Variants in PCDHGA3 observed in about 807,000 individuals in gnomAD.
PCDHGA3 encodes the protein protocadherin gamma subfamily A, 3.
A neutral mutation model predicts 58.5 loss-of-function variants in PCDHGA3; 40 were observed. The observed-to-expected ratio is 0.68, with a 90% confidence interval of 0.53 to 0.89. PCDHGA3 has a LOEUF of 0.89. PCDHGA3 is among the 40% of genes least tolerant of loss of function. The pLI, the probability that PCDHGA3 is intolerant of heterozygous loss-of-function variation, is 0.00. For synonymous variants in PCDHGA3, 530 were observed against 525.7 expected (o/e 1.01, Z -0.11); for missense variants, 1,223 against 1,195.9 (o/e 1.02, Z -0.33).
intron 1 of PCDHGA3, among the ~76,000 whole-genome samples, chr5:141,464,431 A>G (rs1352563675): frequency 6.6e-6 from 1 of 151,648 alleles, no homozygotes; most frequent in Non-Finnish European, 1.5e-5. Flanking sequence ...ATATAGATAT[A>G]TATGTTTGTT....
chr5:141,418,058 C>A (rs2096216434), intron 1 of PCDHGA3: 1 of 1,613,872 alleles, frequency 6.2e-7, no homozygotes, highest in Non-Finnish European at 8.5e-7. Flanking sequence ...TCGCGAGCTG[C>A]GAGTGAGCGC....
At chr5:141,478,500 T>G in intron 1 of PCDHGA3, 1 of 1,612,740 alleles carries the variant, frequency 6.2e-7, no homozygotes, top group Non-Finnish European at 8.5e-7. Flanking sequence ...TGTGATCCGG[T>G]GTTCTATAGG....
At chr5:141,394,705 C>G (rs1245348426) in intron 1 of PCDHGA3, 9 of 1,613,256 alleles carry the variant, frequency 5.6e-6, no homozygotes, top group Non-Finnish European at 7.6e-6. Flanking sequence ...ACGGCGCGAG[C>G]CCTGCTGGAC....
In PCDHGA3 at chr5:141,419,882, T is replaced by A. The variant is rs145814583; in HGVS notation, c.2424+73425T>A. ...TAGCTTGCAAGAGGTACTGCCGGAT[T>A]TCAGCGACCATCCCACACCCTCTGA... On this transcript the variant is annotated intron_variant, in intron 1 of 3. Transcript: ENST00000253812. The A allele has an allele frequency of 4.9e-3, 7,980 of 1,614,092 alleles. 44 individuals carry two copies. Among genetic ancestry groups the A allele is most frequent in the Admixed American group, 9.4e-3 (567 of 60,032 alleles).
intron 1 of PCDHGA3, chr5:141,398,616 C>T (rs922729367): frequency 6.2e-7 from 1 of 1,614,020 alleles, no homozygotes; most frequent in Non-Finnish European, 8.5e-7. Flanking sequence ...CAGATATTGG[C>T]TTAAACTCTC....
chr5:141,394,435 C>T, intron 1 of PCDHGA3: 1 of 1,614,246 alleles, frequency 6.2e-7, no homozygotes, highest in Non-Finnish European at 8.5e-7. Flanking sequence ...GGGGACCCGC[C>T]CCTCAGCAGC....
At chr5:141,428,147 G>A (rs771536400) in intron 1 of PCDHGA3, 2 of 1,589,610 alleles carry the variant, frequency 1.3e-6, no homozygotes, top group Admixed American at 1.7e-5. Context: ...GGCTGCACAC[G>A]GGAACCTGCT....
rs750036800 is a variant in PCDHGA3, at chr5:141,419,495, G to A, written c.2424+73038G>A. On this transcript the variant is annotated intron_variant, in intron 1 of 3. Coordinates refer to ENST00000253812, the MANE Select transcript of PCDHGA3 (RefSeq NM_018916.4). ...GGGCTCGCCCGCGCTCAGCGCCAAT[G>A]TGAGCCTGCGCGTGTTGGTGGGCGA... The A allele has an allele frequency of 5.0e-6, 8 of 1,612,432 alleles. No individual in the cohort carries two copies. The Admixed American group carries it at 1.3e-4, about 27-fold the overall frequency.
intron 1 of PCDHGA3, chr5:141,410,481 G>C: frequency 6.2e-7 from 1 of 1,613,966 alleles, no homozygotes; most frequent in Non-Finnish European, 8.5e-7. Flanking sequence ...GCACATACGG[G>C]TACAAAAGAG....
At chr5:141,419,570 G>A (rs751047365) in intron 1 of PCDHGA3, 3 of 1,611,764 alleles carry the variant, frequency 1.9e-6, no homozygotes, top group Non-Finnish European at 2.5e-6. Flanking sequence ...GGGTCCCGAC[G>A]GCTCCGCGCT....
intron 1 of PCDHGA3, chr5:141,417,729 G>T (rs1175282861): frequency 1.6e-5 from 22 of 1,376,276 alleles, no homozygotes; most frequent in African/African-American, 8.8e-5. Context: ...CGCAGACCTT[G>T]CCCAGCACAC....
At chr5:141,397,926 A>T in intron 1 of PCDHGA3, 1 of 753,888 alleles carries the variant, frequency 1.3e-6, no homozygotes, top group Non-Finnish European at 2.1e-6. Context: ...CTCCTCGCGC[A>T]GCCGCAGCGC....
chr5:141,474,417 C>A (rs1321402346), intron 1 of PCDHGA3, among the ~76,000 whole-genome samples: 1 of 152,222 alleles, frequency 6.6e-6, no homozygotes, highest in African/African-American at 2.4e-5. Context: ...GATGCCTAGA[C>A]CATTGGTCCT....
At chr5:141,510,124 A>G (rs2099879540) in intron 3 of PCDHGA3, among the ~76,000 whole-genome samples, 1 of 152,156 alleles carries the variant, frequency 6.6e-6, no homozygotes, top group Admixed American at 6.5e-5. Context: ...AAATACAAAA[A>G]TTAGCTGGGC....
intron 1 of PCDHGA3, chr5:141,357,065 A>C: frequency 1.2e-6 from 2 of 1,613,964 alleles, no homozygotes; most frequent in Non-Finnish European, 8.5e-7. Context: ...GTGGGGCTGC[A>C]CACAGGCGAG....
chr5:141,416,585 A>T (rs2096043494), intron 1 of PCDHGA3: 2 of 152,244 alleles, frequency 1.3e-5, no homozygotes, highest in Non-Finnish European at 2.9e-5. Context: ...GAGGCAAAAT[A>T]AACTTAGAGT....
chr5:141,364,290 G>C, intron 1 of PCDHGA3: 2 of 1,518,718 alleles, frequency 1.3e-6, no homozygotes, highest in Non-Finnish European at 1.8e-6. Context: ...GAAACAGCAG[G>C]CTGAACCAGA....
chr5:141,423,078 C>A (rs752144906), intron 1 of PCDHGA3: 1 of 1,613,990 alleles, frequency 6.2e-7, no homozygotes, highest in Admixed American at 1.7e-5. Context: ...AGCCGGGACT[C>A]TTCGCGGTGG....
chr5:141,366,351 A>T, intron 1 of PCDHGA3: 1 of 1,613,946 alleles, frequency 6.2e-7, no homozygotes, highest in Non-Finnish European at 8.5e-7. Context: ...ATCCTGGCTG[A>T]CCTAGGCAGT....
Sources: gnomAD v4.1 joint callset for allele counts (sites outside exome capture counted in the v4.1 genomes callset) on GRCh38, gnomAD v4.1.1 for gene constraint, MANE v1.5 for transcripts, NCBI Gene and HGNC (gene_info 2026-07-23, HGNC 2026-07-21) for gene names.